The following TKFC variants were observed in gnomAD, a reference collection of about 807,000 sequenced individuals.
TKFC encodes triokinase and FMN cyclase, also known as triokinase/FMN cyclase.
In TKFC, 46 loss-of-function variants were observed where a neutral mutation model predicts 61.0. That is an observed-to-expected ratio of 0.75 (90% CI 0.60 to 0.96). TKFC has a LOEUF of 0.96. Among genes scored for constraint, TKFC ranks in the 50% least tolerant of loss-of-function variants. TKFC has a pLI of 0.00. For missense variants in TKFC, 715 were observed against 777.5 expected, an observed-to-expected ratio of 0.92 and a Z score of 0.96; for synonymous variants, 314 against 330.1, an observed-to-expected ratio of 0.95 and a Z score of 0.53.
chr11:61,337,331 A>G (rs1471498740), intron 2 of TKFC, among the ~76,000 whole-genome samples: 4 of 152,118 alleles, frequency 2.6e-5, no homozygotes, highest in Non-Finnish European at 4.4e-5. Flanking sequence ...TTTTTTGTAG[A>G]GATGGAGTCT....
In TKFC at chr11:61,333,277, G is replaced by T; in HGVS notation, c.-162G>T. 3.8e-6 allele frequency: 1 copy of T among 265,408 alleles called. No individual in the cohort carries two copies. The highest frequency in any genetic ancestry group is 7.1e-6 in the Non-Finnish European group (1 of 141,306). 16.4% of individuals were successfully genotyped at this position (265,408 alleles called of 1,614,324 possible). On this transcript the variant is annotated 5_prime_UTR_variant, in exon 1 of 18. Coordinates refer to ENST00000394900, the MANE Select transcript of TKFC (RefSeq NM_015533.4). Reference sequence around the variant, plus strand: ...AGAGCGCACGCTTCGGGGTCTCCGGGAAGTCGCGGCGCCTTCGGATGTGGC... The same window carrying T: ...AGAGCGCACGCTTCGGGGTCTCCGGTAAGTCGCGGCGCCTTCGGATGTGGC...
In TKFC at chr11:61,345,531, G is replaced by C. The variant is rs1339330496; in HGVS notation, c.1417G>C (p.Ala473Pro). The C allele has an allele frequency of 3.1e-6, 5 of 1,613,196 alleles. No individual in the cohort carries two copies. Among genetic ancestry groups the C allele is most frequent in the Non-Finnish European group, 4.2e-6 (5 of 1,180,044 alleles). ...KAKTSLPAWSAAMDAGLEAMQ... is the reference protein window; with the variant it reads ...KAKTSLPAWSPAMDAGLEAMQ... ...CAAGACCAGCCTCCCAGCCTGGTCT[G>C]CTGCCATGGATGCCGGCCTGGAAGC... Residue 473 changes from alanine (A) to proline (P), a missense_variant, in exon 15 of 18, where the codon GCT becomes CCT. Transcript: ENST00000394900.
At chr11:61,352,839 A>C, downstream of TKFC, 1 of 1,482,724 alleles carries the variant, frequency 6.7e-7, no homozygotes, top group Middle Eastern at 1.8e-4. Flanking sequence ...CTAAAGAAAG[A>C]TCAATTCTGT....
downstream of TKFC, chr11:61,350,545 G>A: frequency 1.6e-6 from 2 of 1,288,688 alleles, no homozygotes; most frequent in Non-Finnish European, 2.2e-6. Context: ...AAATCCCTCA[G>A]GGAAGCCCCA....
In TKFC at chr11:61,343,446, C is replaced by T; in HGVS notation, c.970C>T (p.Leu324=). ...CCTCCTGCTGGTGGATGAGCCTCTC[C>T]TGAAACTGATAGGTGAGACTTGGAA... ...LTLLLVDEPL[L]KLIDAETTAA... is the part of the protein sequence containing the mutation. The change falls in exon 11 of 18, where the codon CTG becomes TTG. Residue 324 remains leucine (L), a synonymous_variant. Transcript: ENST00000394900. 6.2e-7 allele frequency: 1 copy of T among 1,614,144 alleles called. No homozygotes were observed. The highest frequency in any genetic ancestry group is 1.7e-5 in the Admixed American group (1 of 60,026).
intron 3 of TKFC, among the ~76,000 whole-genome samples, chr11:61,338,417 G>T (rs906168790): frequency 3.3e-5 from 5 of 152,154 alleles, no homozygotes; most frequent in African/African-American, 4.8e-5. Context: ...AAGCCCAGCA[G>T]ACCCACCCCG....
rs1447876627 is a variant in TKFC at position 61,334,815 on chromosome 11, CTT to C, written c.3+86_3+87del. 5.0e-5 allele frequency: 80 copies of C among 1,597,480 alleles called. No homozygotes were observed. In the East Asian group the frequency reaches 1.8e-3, roughly 35 times the overall value. Reference sequence around the variant, plus strand: ...CTTGGGCAAGCTAAAGCTCCTTACACTTTGACTGAGAGATGCTATTGCCTCCT... The same window carrying C: ...CTTGGGCAAGCTAAAGCTCCTTACACTGACTGAGAGATGCTATTGCCTCCT... On this transcript the variant is annotated intron_variant, in intron 2 of 17. Transcript: ENST00000394900.
intron 14 of TKFC, 41 bp downstream of exon 14, chr11:61,345,407 G>GGGAT: frequency 6.3e-7 from 1 of 1,597,268 alleles, no homozygotes; most frequent in Non-Finnish European, 8.6e-7. Context: ...GGAGGTGGCT[G>GGGAT]GGCTGGCTGG....
At chr11:61,343,736 C>A in intron 11 of TKFC, 120 bp from the exon 12 acceptor site, 1 of 1,419,574 alleles carries the variant, frequency 7.0e-7, no homozygotes, top group Non-Finnish European at 9.5e-7. Context: ...TCGAGGTGGA[C>A]TCCCTTCCTC....
intron 5 of TKFC, among the ~76,000 whole-genome samples, chr11:61,341,054 G>GTGGA (rs1187837886): frequency 6.6e-6 from 1 of 151,976 alleles, no homozygotes; most frequent in Non-Finnish European, 1.5e-5. Context: ...TAAAAATTGG[G>GTGGA]TGGATGGATG....
chr11:61,346,937 T>C lies in TKFC; in HGVS notation c.*434T>C. ...GAAGCAAGAAAGACACTGCCTCCTC[T>C]GAGGGACCTTTTCCCAAGCATGTAA... On this transcript the variant is annotated 3_prime_UTR_variant, in exon 18 of 18. Transcript: ENST00000394900. This position sits in a 1 kb window ranked among gnomAD's most constrained non-coding sequence, Gnocchi z 4.1. 4 of 987,802 alleles carry C rather than the reference T, an allele frequency of 4.0e-6. No individual in the cohort carries two copies. Among genetic ancestry groups the C allele is most frequent in the Non-Finnish European group, 3.6e-6 (3 of 831,496 alleles). 61.2% of individuals were successfully genotyped at this position (987,802 alleles called of 1,614,324 possible). A position where few individuals can be genotyped will look rare whatever the true frequency, so the allele number is the denominator to read the frequency against.
downstream of TKFC, chr11:61,351,237 G>T: frequency 7.8e-7 from 1 of 1,284,754 alleles, no homozygotes; most frequent in Non-Finnish European, 1.0e-6. Context: ...CAGAGGGTGA[G>T]AAAACCTTCC....
At chr11:61,349,959 T>A, downstream of TKFC, 1 of 471,674 alleles carries the variant, frequency 2.1e-6, no homozygotes, top group Non-Finnish European at 3.9e-6. Context: ...ACCACATCCC[T>A]AGGAGTCTTA....
rs530782413 is a variant in TKFC at position 61,347,759 on chromosome 11, G to A, written c.*1256G>A. Reference sequence around the variant, plus strand: ...TGATTCTGCTTTAACCCGGCTACAGGAGCTAAGGCCTATTTTTTAGCCCTT... The same window carrying A: ...TGATTCTGCTTTAACCCGGCTACAGAAGCTAAGGCCTATTTTTTAGCCCTT... On this transcript the variant is annotated 3_prime_UTR_variant, in exon 18 of 18. Coordinates refer to ENST00000394900, the MANE Select transcript of TKFC (RefSeq NM_015533.4). The A allele has an allele frequency of 3.1e-6, 3 of 982,498 alleles. No homozygotes were observed. The highest frequency in any genetic ancestry group is 1.7e-5 in the African/African-American group (1 of 57,252). The allele number at this position is 982,498 out of a possible 1,614,324, so 60.9% of individuals were successfully genotyped here.
rs1565052962 is a variant in TKFC, at chr11:61,342,455, C to T, written c.656-6C>T. 3.7e-6 allele frequency: 6 copies of T among 1,614,024 alleles called. No homozygotes were observed. The highest frequency in any genetic ancestry group is 5.1e-6 in the Non-Finnish European group (6 of 1,180,042). On this transcript the variant is annotated splice_polypyrimidine_tract_variant and splice_region_variant and intron_variant, in intron 7 of 17. Coordinates refer to ENST00000394900, the MANE Select transcript of TKFC (RefSeq NM_015533.4). ...GTGGGTCAGCAGTGACCACATCTAT[C>T]CGCAGGGATCCACGGGGAAGCTGGT...
Position 61,342,352 on chromosome 11 carries a change from A to G in TKFC, c.656-109A>G. 5 of 1,397,356 alleles carry G rather than the reference A, an allele frequency of 3.6e-6. No individual in the cohort carries two copies. In the South Asian group the frequency reaches 5.8e-5, roughly 16 times the overall value. The allele number at this position is 1,397,356 out of a possible 1,614,324, so 86.6% of individuals were successfully genotyped here. A position where few individuals can be genotyped will look rare whatever the true frequency, so the allele number is the denominator to read the frequency against. ...ATTATTCTGTCCATTTCCATCCCCC[A>G]CTCCCGCCCACTTACTGTGTGAGTC... On this transcript the variant is annotated intron_variant, in intron 7 of 17. Transcript: ENST00000394900.
In TKFC at chr11:61,342,407, A is replaced by G. The variant is rs537159887; in HGVS notation, c.656-54A>G. On this transcript the variant is annotated intron_variant, in intron 7 of 17. Coordinates refer to ENST00000394900, the MANE Select transcript of TKFC (RefSeq NM_015533.4). The stretch of plus-strand genomic sequence containing the variant: ...ACTGTGTGAGTCCTTGATAAAAACG[A>G]TGAGCAAATCCCCAGGCCTTGAGTG... 31 of 1,612,626 alleles carry G rather than the reference A, an allele frequency of 1.9e-5. No homozygotes were observed. In the East Asian group the frequency reaches 6.7e-4, roughly 35 times the overall value.
chr11:61,347,735 G>A lies in TKFC; in HGVS notation c.*1232G>A, dbSNP rs929748112. Reference sequence around the variant, plus strand: ...GACTCATACACATGATCTGAAATCTGATTCTGCTTTAACCCGGCTACAGGA... The same window carrying A: ...GACTCATACACATGATCTGAAATCTAATTCTGCTTTAACCCGGCTACAGGA... On this transcript the variant is annotated 3_prime_UTR_variant, in exon 18 of 18. Coordinates refer to ENST00000394900, the MANE Select transcript of TKFC (RefSeq NM_015533.4). 3.0e-6 allele frequency: 3 copies of A among 984,964 alleles called. No homozygotes were observed. The highest frequency in any genetic ancestry group is 1.1e-4 in the East Asian group (1 of 8,830). The allele number at this position is 984,964 out of a possible 1,614,324, so 61.0% of individuals were successfully genotyped here. A position where few individuals can be genotyped will look rare whatever the true frequency, so the allele number is the denominator to read the frequency against.
intron 5 of TKFC, among the ~76,000 whole-genome samples, chr11:61,340,718 G>A (rs1200026304): frequency 6.6e-6 from 1 of 152,128 alleles, no homozygotes; most frequent in Non-Finnish European, 1.5e-5. Context: ...GATCATCTCT[G>A]GCTTTGCTTA....
Sources: allele counts gnomAD v4.1 joint callset (sites outside exome capture counted in the v4.1 genomes callset), GRCh38; gene constraint gnomAD v4.1.1; non-coding constraint Gnocchi (gnomAD v3.1); transcripts MANE v1.5; gene names NCBI Gene and HGNC (gene_info 2026-07-23, HGNC 2026-07-21).